Variants in CHST10 observed in about 807,000 individuals in gnomAD.
CHST10 encodes carbohydrate sulfotransferase 10, also known as HNK-1 sulfotransferase.
In CHST10, 24 loss-of-function variants were observed where a neutral mutation model predicts 34.7. The observed-to-expected ratio is 0.69, with a 90% CI of 0.50 to 0.97. The LOEUF (loss-of-function observed/expected upper bound fraction) is 0.97. Among genes scored for constraint, CHST10 ranks in the 50% least tolerant of loss-of-function variants. CHST10 has a pLI of 0.00. For missense variants in CHST10, 402 were observed against 452.1 expected, an observed-to-expected ratio of 0.89 and a Z score of 1.00; for synonymous variants, 161 against 169.3, an observed-to-expected ratio of 0.95 and a Z score of 0.38.
chr2:100,414,939 C>T, intron 2 of CHST10, 102 bp downstream of exon 2: 1 of 695,634 alleles, frequency 1.4e-6, no homozygotes, highest in Non-Finnish European at 2.1e-6. Context: ...TTTACATACT[C>T]CTAATCAAGA....
At chr2:100,414,781 T>C (rs1030612140) in intron 2 of CHST10, among the ~76,000 whole-genome samples, 1 of 152,168 alleles carries the variant, frequency 6.6e-6, no homozygotes, top group Non-Finnish European at 1.5e-5. Context: ...AGACAGGTTT[T>C]CATGAACAAT....
intron 2 of CHST10, among the ~76,000 whole-genome samples, chr2:100,412,290 C>T (rs552730845): frequency 2.0e-5 from 3 of 152,260 alleles, no homozygotes; most frequent in Non-Finnish European, 2.9e-5. Context: ...GGATGAGCTA[C>T]GAGGATCCAC....
At chr2:100,402,512 G>A (rs1163019138) in intron 4 of CHST10, 52 bp downstream of exon 4, 13 of 1,507,624 alleles carry the variant, frequency 8.6e-6, no homozygotes, top group African/African-American at 2.8e-5. Flanking sequence ...AGCTCCCCGC[G>A]ACAAGGGTGC....
At chr2:100,403,813 G>A (rs143537082) in intron 3 of CHST10, among the ~76,000 whole-genome samples, 6 of 152,294 alleles carry the variant, frequency 3.9e-5, no homozygotes, top group African/African-American at 7.2e-5. Context: ...CACCGTGAAC[G>A]TGTGTGAAAT....
At chr2:100,411,673 A>G (rs931175479) in intron 2 of CHST10, among the ~76,000 whole-genome samples, 4 of 152,360 alleles carry the variant, frequency 2.6e-5, no homozygotes, top group Non-Finnish European at 5.9e-5. Flanking sequence ...TTCATGCAGT[A>G]AAACAGCTGC....
chr2:100,392,350 A>T lies in CHST10; in HGVS notation c.*895T>A, dbSNP rs1476347318. On this transcript the variant is annotated 3_prime_UTR_variant, in exon 7 of 7. Coordinates refer to ENST00000264249, the MANE Select transcript of CHST10 (RefSeq NM_004854.5). ...AGCTCCCTGGAGAAGACAGGTGGAGATTCACTGCTGTCCACCCAGGTAAGG... is the reference window on the plus strand; with the variant it reads ...AGCTCCCTGGAGAAGACAGGTGGAGTTTCACTGCTGTCCACCCAGGTAAGG... The T allele has an allele frequency of 6.6e-6, 1 of 152,234 alleles. No homozygotes were observed. Among genetic ancestry groups the T allele is most frequent in the African/African-American group, 2.4e-5 (1 of 41,414 alleles). The allele number at this position is 152,234 out of a possible 1,614,324, so 9.4% of individuals were successfully genotyped here.
intron 1 of CHST10, chr2:100,416,763 T>G: frequency 2.8e-6 from 1 of 359,076 alleles, no homozygotes; most frequent in Non-Finnish European, 5.5e-6. Context: ...AGAACCTGGC[T>G]GCACTACTTT....
intron 5 of CHST10, among the ~76,000 whole-genome samples, chr2:100,397,123 G>A (rs888025250): frequency 1.3e-5 from 2 of 152,158 alleles, no homozygotes; most frequent in African/African-American, 2.4e-5. Context: ...CCCAAAATCC[G>A]ATTTCTGACC....
intron 3 of CHST10, among the ~76,000 whole-genome samples, chr2:100,405,372 C>G (rs570149994): frequency 3.9e-4 from 60 of 152,342 alleles, no homozygotes; most frequent in African/African-American, 1.4e-3. Context: ...GGCCCAACAA[C>G]TGTCATGGGG....
chr2:100,416,700 C>A, intron 1 of CHST10: 1 of 334,140 alleles, frequency 3.0e-6, no homozygotes, highest in Admixed American at 3.8e-5. Context: ...ACAACAACAA[C>A]AACAACAACA....
intron 2 of CHST10, among the ~76,000 whole-genome samples, chr2:100,410,662 G>A (rs888903689): frequency 1.3e-5 from 2 of 152,134 alleles, no homozygotes; most frequent in African/African-American, 4.8e-5. Context: ...GCAGTTCTAT[G>A]TTTAATATCC....
intron 4 of CHST10, among the ~76,000 whole-genome samples, chr2:100,401,153 C>T (rs1452923136): frequency 6.6e-6 from 1 of 152,186 alleles, no homozygotes; most frequent in Non-Finnish European, 1.5e-5. Flanking sequence ...ATGAGAATGA[C>T]TGGGGCAGCG....
intron 4 of CHST10, among the ~76,000 whole-genome samples, 188 bp downstream of exon 4, chr2:100,402,376 A>G (rs1395487093): frequency 6.6e-6 from 1 of 152,194 alleles, no homozygotes; most frequent in African/African-American, 2.4e-5. Flanking sequence ...GAGGGGCACA[A>G]AAATAGACGT....
At chr2:100,402,270 A>G (rs1192707031) in intron 4 of CHST10, among the ~76,000 whole-genome samples, 1 of 152,152 alleles carries the variant, frequency 6.6e-6, no homozygotes, top group East Asian at 1.9e-4. Context: ...GACCCTGCCC[A>G]ATACTCTCGG....
chr2:100,404,822 C>T (rs564079844), intron 3 of CHST10, among the ~76,000 whole-genome samples: 1 of 152,206 alleles, frequency 6.6e-6, no homozygotes, highest in East Asian at 1.9e-4. Flanking sequence ...AAACCATAAA[C>T]AATTTAACCT....
intron 2 of CHST10, among the ~76,000 whole-genome samples, 185 bp from the exon 3 acceptor site, chr2:100,406,892 T>C (rs1016132336): frequency 6.6e-6 from 1 of 152,172 alleles, no homozygotes; most frequent in Non-Finnish European, 1.5e-5. Flanking sequence ...ATATAAATGA[T>C]TGATTCAATA....
chr2:100,411,272 T>G lies in CHST10; in HGVS notation c.-33+3769A>C, dbSNP rs74866183. On this transcript the variant is annotated intron_variant, in intron 2 of 6. Coordinates refer to ENST00000264249, the MANE Select transcript of CHST10 (RefSeq NM_004854.5). Reference sequence around the variant, plus strand: ...GCTGTGATTACAGGCACGCCACACCTGGAAAATTTTTATATTTTTAGTAGA... The same window carrying G: ...GCTGTGATTACAGGCACGCCACACCGGGAAAATTTTTATATTTTTAGTAGA... Among the ~76,000 whole-genome samples the G allele has an allele frequency of 1.1e-4, 17 of 152,136 alleles. No homozygotes were observed. The East Asian group carries it at 3.3e-3, about 29-fold the overall frequency.
At chr2:100,404,030 C>G (rs899298089) in intron 3 of CHST10, among the ~76,000 whole-genome samples, 5 of 152,218 alleles carry the variant, frequency 3.3e-5, no homozygotes, top group African/African-American at 1.2e-4. Flanking sequence ...TGCTTCAGCC[C>G]AGCGTCCTTG....
intron 3 of CHST10, among the ~76,000 whole-genome samples, chr2:100,406,343 G>C (rs528743101): frequency 6.6e-6 from 1 of 152,320 alleles, no homozygotes; most frequent in South Asian, 2.1e-4. Context: ...CAGCCACAAA[G>C]AGCAGCTTCC....
Sources: allele counts gnomAD v4.1 joint callset (sites outside exome capture counted in the v4.1 genomes callset), GRCh38; gene constraint gnomAD v4.1.1; transcripts MANE v1.5; gene names NCBI Gene and HGNC (gene_info 2026-07-23, HGNC 2026-07-21).